Variants in ZFPM2 observed in about 807,000 individuals in gnomAD.
The protein encoded by ZFPM2 is zinc finger protein, FOG family member 2.
Under a neutral mutation model 98.6 loss-of-function variants are expected in ZFPM2, and 20 were observed. The observed-to-expected ratio is 0.20, with a 90% CI of 0.14 to 0.29. The LOEUF (loss-of-function observed/expected upper bound fraction) is 0.29, where lower values mean the gene tolerates loss of function less well. Among genes scored for constraint, ZFPM2 ranks in the 10% least tolerant of loss-of-function variants. The pLI is 1.00. For synonymous variants in ZFPM2, 518 were observed against 502.7 expected (o/e 1.03, Z -0.41); for missense variants, 1,310 against 1,388.6 (o/e 0.94, Z 0.90).
chr8:105,512,073 A>G (rs1042556305), intron 3 of ZFPM2, among the ~76,000 whole-genome samples: 1 of 152,134 alleles, frequency 6.6e-6, no homozygotes, highest in African/African-American at 2.4e-5. Flanking sequence ...TGAACCTGGG[A>G]GGCGGAGGCT....
intron 5 of ZFPM2, among the ~76,000 whole-genome samples, chr8:105,671,935 C>G (rs1817606721): frequency 6.6e-6 from 1 of 152,062 alleles, no homozygotes; most frequent in Non-Finnish European, 1.5e-5. Flanking sequence ...TTATGATGCC[C>G]CTCTAACTGA....
chr8:105,415,226 A>G (rs555848676), intron 1 of ZFPM2, among the ~76,000 whole-genome samples: 1 of 152,266 alleles, frequency 6.6e-6, no homozygotes, highest in South Asian at 2.1e-4. Context: ...TCTGAGAGAC[A>G]ATGAACAGTG....
chr8:105,518,806 G>C lies in ZFPM2; in HGVS notation c.302-42557G>C, dbSNP rs1813991454. 5.9e-5 allele frequency among the ~76,000 whole-genome samples: 9 copies of C among 152,166 alleles called. 1 individual carries two copies. In the South Asian group the frequency reaches 1.7e-3, roughly 28 times the overall value. On this transcript the variant is annotated intron_variant, in intron 3 of 7. Coordinates refer to ENST00000407775, the MANE Select transcript of ZFPM2 (RefSeq NM_012082.4). ...ACATTTTGGAATAAGGACCTGCTAG[G>C]TTATTTTGAACTTGAAATAGACCAC... is the stretch of plus-strand genomic sequence containing the variant.
intron 1 of ZFPM2, among the ~76,000 whole-genome samples, chr8:105,383,281 C>T (rs1165818842): frequency 6.6e-6 from 1 of 152,058 alleles, no homozygotes; most frequent in Non-Finnish European, 1.5e-5. Context: ...AGAGTAAGCA[C>T]CTATCCATGA....
intron 5 of ZFPM2, among the ~76,000 whole-genome samples, chr8:105,672,766 A>G (rs1817619644): frequency 6.6e-6 from 1 of 152,196 alleles, no homozygotes; most frequent in Non-Finnish European, 1.5e-5. Flanking sequence ...GACATGTACC[A>G]TGGAATTGTT....
At chr8:105,494,091 G>GCTTCCTGGTGATCTCACC (rs1563684481) in intron 3 of ZFPM2, among the ~76,000 whole-genome samples, 1 of 149,546 alleles carries the variant, frequency 6.7e-6, no homozygotes, top group Non-Finnish European at 1.5e-5. Flanking sequence ...GCCTGTGCAT[G>GCTTCCTGGTGATCTCACC]CTTCCTGGTG....
chr8:105,753,388 C>T (rs1812521477), intron 5 of ZFPM2, among the ~76,000 whole-genome samples: 1 of 152,112 alleles, frequency 6.6e-6, no homozygotes, highest in South Asian at 2.1e-4. Flanking sequence ...TCACACACCT[C>T]ACCTTTCAAC....
At chr8:105,325,924 A>C (rs1812105665) in intron 1 of ZFPM2, among the ~76,000 whole-genome samples, 2 of 151,814 alleles carry the variant, frequency 1.3e-5, no homozygotes, top group Admixed American at 1.3e-4. Flanking sequence ...TTCACATGTT[A>C]AAATAAAAGG....
intron 3 of ZFPM2, among the ~76,000 whole-genome samples, chr8:105,504,114 T>C (rs1363629847): frequency 6.6e-6 from 1 of 152,144 alleles, no homozygotes; most frequent in South Asian, 2.1e-4. Context: ...AAGGGAGTGG[T>C]TCTTAAACAT....
chr8:105,465,350 A>G (rs906440422), intron 3 of ZFPM2, among the ~76,000 whole-genome samples: 2 of 152,046 alleles, frequency 1.3e-5, no homozygotes, highest in African/African-American at 2.4e-5. Context: ...AGTGTTTTGG[A>G]CAAATTGAAT....
intron 1 of ZFPM2, among the ~76,000 whole-genome samples, chr8:105,375,302 C>G (rs954568987): frequency 3.3e-5 from 5 of 152,066 alleles, no homozygotes; most frequent in African/African-American, 9.7e-5. Context: ...AGCCCTAAGA[C>G]TACCAACTAC....
chr8:105,352,372 T>G (rs990159276), intron 1 of ZFPM2, among the ~76,000 whole-genome samples: 2 of 152,214 alleles, frequency 1.3e-5, no homozygotes, highest in African/African-American at 4.8e-5. Flanking sequence ...CAATTATAAT[T>G]TATATGATTA....
At chr8:105,741,729 A>G (rs926526738) in intron 5 of ZFPM2, among the ~76,000 whole-genome samples, 1 of 150,226 alleles carries the variant, frequency 6.7e-6, no homozygotes, top group African/African-American at 2.5e-5. Flanking sequence ...CTGGAAAACA[A>G]TACTGAACCA....
chr8:105,462,601 T>G (rs2130307979), intron 3 of ZFPM2, among the ~76,000 whole-genome samples: 1 of 152,234 alleles, frequency 6.6e-6, no homozygotes, highest in East Asian at 1.9e-4. Context: ...ATCTCTACAA[T>G]GGGAGTGCTA....
intron 3 of ZFPM2, among the ~76,000 whole-genome samples, chr8:105,528,510 TG>T (rs1814224153): frequency 1.3e-5 from 2 of 152,150 alleles, no homozygotes; most frequent in Non-Finnish European, 2.9e-5. Context: ...TGGCCTGTTT[TG>T]TTTCCATTAT....
chr8:105,526,673 C>T (rs1403256113), intron 3 of ZFPM2, among the ~76,000 whole-genome samples: 4 of 152,050 alleles, frequency 2.6e-5, no homozygotes, highest in Non-Finnish European at 5.9e-5. Flanking sequence ...TTGGGTAAAA[C>T]GCTGATGGAA....
chr8:105,549,355 T>C (rs1814788519), intron 3 of ZFPM2, among the ~76,000 whole-genome samples: 1 of 152,150 alleles, frequency 6.6e-6, no homozygotes, highest in African/African-American at 2.4e-5. Context: ...GCATGAGATT[T>C]TCTAGTTTGC....
chr8:105,626,382 A>T (rs1049042348), intron 4 of ZFPM2, among the ~76,000 whole-genome samples: 3 of 151,844 alleles, frequency 2.0e-5, no homozygotes, highest in Non-Finnish European at 4.4e-5. Context: ...AAGGAGAGTG[A>T]TACAATATTT....
At chr8:105,581,036 A>G (rs992313485) in intron 4 of ZFPM2, among the ~76,000 whole-genome samples, 12 of 151,946 alleles carry the variant, frequency 7.9e-5, no homozygotes, top group African/African-American at 1.2e-4. Context: ...TATTTGAACT[A>G]TTTTTCACTA....
Sources: gnomAD v4.1 joint callset for allele counts (sites outside exome capture counted in the v4.1 genomes callset) on GRCh38, gnomAD v4.1.1 for gene constraint, MANE v1.5 for transcripts, NCBI Gene and HGNC (gene_info 2026-07-23, HGNC 2026-07-21) for gene names.